Variants in SNX19 observed in about 807,000 individuals in gnomAD.
SNX19 encodes the protein sorting nexin-19.
SNX19 carries 60 observed loss-of-function variants against 85.2 expected under a neutral mutation model. That is an observed-to-expected ratio of 0.70 (90% CI 0.57 to 0.87). The LOEUF (loss-of-function observed/expected upper bound fraction) is 0.87. SNX19 is among the 40% of genes least tolerant of loss of function. The pLI is 0.00. For synonymous variants in SNX19, 520 were observed against 470.0 expected, an observed-to-expected ratio of 1.11 and a Z score of -1.38; for missense variants, 1,201 against 1,217.8, an observed-to-expected ratio of 0.99 and a Z score of 0.21.
chr11:130,892,501 C>G (rs1385349361), intron 8 of SNX19, among the ~76,000 whole-genome samples: 5 of 152,204 alleles, frequency 3.3e-5, no homozygotes, highest in African/African-American at 1.2e-4. Flanking sequence ...TTCAGACCTT[C>G]TGTAAAAATT....
intron 8 of SNX19, among the ~76,000 whole-genome samples, chr11:130,896,720 A>G (rs573873101): frequency 2.8e-4 from 43 of 152,324 alleles, no homozygotes; most frequent in African/African-American, 9.9e-4. Flanking sequence ...CTACATGTCT[A>G]TCTCATAGAA....
chr11:130,916,450 C>A lies in SNX19; in HGVS notation c.-511G>T, dbSNP rs3751033. ...CTCCGCAGCCGGGCCTGTGTGAAGG[C>A]TGACCGCCGGCCGGCCGCCGGCGAC... On this transcript the variant is annotated 5_prime_UTR_variant, in exon 1 of 11. Coordinates refer to ENST00000265909, the MANE Select transcript of SNX19 (RefSeq NM_014758.3). 81,094 of 152,428 alleles carry A rather than the reference C, an allele frequency of 0.53. 22,055 individuals carry two copies. Among genetic ancestry groups the A allele is most frequent in the South Asian group, 0.65 (3,154 of 4,852 alleles). The allele number at this position is 152,428 out of a possible 1,614,324, so 9.4% of individuals were successfully genotyped here.
At chr11:130,903,123 C>T in intron 8 of SNX19, 132 bp downstream of exon 8, 1 of 1,307,542 alleles carries the variant, frequency 7.6e-7, no homozygotes, top group Admixed American at 2.3e-5. Context: ...AGGCATTTTT[C>T]ATCCCTGTAA....
chr11:130,895,861 T>C (rs1021637338), intron 8 of SNX19, among the ~76,000 whole-genome samples: 3 of 152,146 alleles, frequency 2.0e-5, no homozygotes, highest in Admixed American at 1.3e-4. Flanking sequence ...GGGTGTAGAA[T>C]AAGTGATACC....
At chr11:130,910,593 G>A (rs1302681838) in intron 2 of SNX19, among the ~76,000 whole-genome samples, 1 of 152,090 alleles carries the variant, frequency 6.6e-6, no homozygotes, top group Non-Finnish European at 1.5e-5. Flanking sequence ...TTAAATCTGG[G>A]CTCAATCCCT....
rs1217046359 is a variant in SNX19, at chr11:130,873,057, C to T, written c.*5365G>A. ...CAACATTTTTAGAGCATAGCACTTA[C>T]ACTTTTACTAGGCCTCACTCCGGAC... On this transcript the variant is annotated 3_prime_UTR_variant, in exon 11 of 11. Transcript: ENST00000265909. 6.6e-6 allele frequency among the ~76,000 whole-genome samples: 1 copy of T among 152,180 alleles called. No individual in the cohort carries two copies. Among genetic ancestry groups the T allele is most frequent in the Admixed American group, 6.5e-5 (1 of 15,286 alleles).
chr11:130,888,380 AT>A, intron 8 of SNX19, among the ~76,000 whole-genome samples: 1 of 152,310 alleles, frequency 6.6e-6, no homozygotes, highest in East Asian at 1.9e-4. Context: ...GCATCAGTTT[AT>A]GATATTATTT....
rs147252392 is a variant in SNX19, at chr11:130,909,001, G to T, written c.2035-918C>A. ...TGGTCAGCAGACTACAGTAAAGACTGGGGGAGAACAAACCAGGGAAAGAAC... is the reference window on the plus strand; with the variant it reads ...TGGTCAGCAGACTACAGTAAAGACTTGGGGAGAACAAACCAGGGAAAGAAC... On this transcript the variant is annotated intron_variant, in intron 4 of 10. Coordinates refer to ENST00000265909, the MANE Select transcript of SNX19 (RefSeq NM_014758.3). Among the ~76,000 whole-genome samples, 23 of 152,298 alleles carry T rather than the reference G, an allele frequency of 1.5e-4. 1 individual carries two copies. Among genetic ancestry groups the T allele is most frequent in the Middle Eastern group, 3.4e-3 (1 of 294 alleles).
At chr11:130,912,321 C>T (rs1284161488) in intron 1 of SNX19, among the ~76,000 whole-genome samples, 3 of 152,168 alleles carry the variant, frequency 2.0e-5, no homozygotes, top group Non-Finnish European at 2.9e-5. Flanking sequence ...TTCCTAAGTA[C>T]GTATCATCTG....
intron 4 of SNX19, 151 bp downstream of exon 4, chr11:130,909,867 T>G: frequency 1.9e-6 from 2 of 1,040,038 alleles, no homozygotes; most frequent in Non-Finnish European, 2.8e-6. Flanking sequence ...GCAACAGGTC[T>G]TGACAATTTA....
Sources: allele counts gnomAD v4.1 joint callset (sites outside exome capture counted in the v4.1 genomes callset), GRCh38; gene constraint gnomAD v4.1.1; transcripts MANE v1.5; gene names NCBI Gene and HGNC (gene_info 2026-07-23, HGNC 2026-07-21).